The following ASAP2 variants were observed in gnomAD, a reference collection of about 807,000 sequenced individuals.
ASAP2 encodes the protein ArfGAP with SH3 domain, ankyrin repeat and PH domain 2, also known as arf-GAP with SH3 domain, ANK repeat and PH domain-containing protein 2.
Under a neutral mutation model 131.4 loss-of-function variants are expected in ASAP2, and 45 were observed. The ratio of observed to expected loss-of-function variants is 0.34; its 90% CI spans 0.27 to 0.44. The LOEUF (loss-of-function observed/expected upper bound fraction) is 0.44. Ranked by LOEUF, ASAP2 falls within the 20% of genes least tolerant of loss-of-function variation. The pLI is 1.00. For missense variants in ASAP2, 1,011 were observed against 1,297.0 expected (o/e 0.78, Z 3.39); for synonymous variants, 510 against 503.0 (o/e 1.01, Z -0.19).
At chr2:9,373,067 C>G (rs1452787102) in intron 16 of ASAP2, among the ~76,000 whole-genome samples, 1 of 152,154 alleles carries the variant, frequency 6.6e-6, no homozygotes, top group East Asian at 1.9e-4. Context: ...ATCTCACACA[C>G]AAGTCAGCCA....
Position 9,255,213 on chromosome 2 carries a change from T to C in ASAP2, c.127-24104T>C, listed in dbSNP as rs368830223. Among the ~76,000 whole-genome samples the C allele has an allele frequency of 1.7e-4, 26 of 152,346 alleles. No homozygotes were observed. The South Asian group carries it at 5.4e-3, about 32-fold the overall frequency. ...TGTATCTTCTTTGATGTTATGTGTC[T>C]ATACTTGTACCATGTAAGTTGGTTC... is the stretch of plus-strand genomic sequence containing the variant. On this transcript the variant is annotated intron_variant, in intron 1 of 27. Transcript: ENST00000281419.
chr2:9,250,263 A>G (rs11893104), intron 1 of ASAP2, among the ~76,000 whole-genome samples: 34,711 of 152,216 alleles, frequency 0.23, 4,342 homozygotes, highest in African/African-American at 0.29. Flanking sequence ...TGTTACACAC[A>G]TGGTAATTAT....
At position 9,292,517 on chromosome 2, in the gene ASAP2, C is replaced by CAAAACA. The variant is rs924801944; in HGVS notation, c.200-4767_200-4762dup. The stretch of plus-strand genomic sequence containing the variant: ...TGGGTGACAGAGTGAGATTCTATCT[C>CAAAACA]AAAACAAAAACAAAAACAAAAGAAA... On this transcript the variant is annotated intron_variant, in intron 2 of 27. Transcript: ENST00000281419. 3.2e-4 allele frequency among the ~76,000 whole-genome samples: 49 copies of CAAAACA among 152,112 alleles called. 2 individuals carry two copies. The East Asian group carries it at 3.5e-3, about 11-fold the overall frequency.
At chr2:9,403,086 G>C (rs1676886321) in intron 27 of ASAP2, among the ~76,000 whole-genome samples, 167 bp from the exon 28 acceptor site, 2 of 152,194 alleles carry the variant, frequency 1.3e-5, no homozygotes, top group Admixed American at 1.3e-4. Flanking sequence ...ATGTGGTGAG[G>C]AAAAACGGAC....
intron 24 of ASAP2, among the ~76,000 whole-genome samples, chr2:9,396,632 G>A (rs1338928274): frequency 6.6e-6 from 1 of 152,142 alleles, no homozygotes; most frequent in Non-Finnish European, 1.5e-5. Context: ...GGAAGTAAAT[G>A]TACTTAAATC....
At chr2:9,292,141 A>T (rs1049914959) in intron 2 of ASAP2, among the ~76,000 whole-genome samples, 1 of 152,086 alleles carries the variant, frequency 6.6e-6, no homozygotes, top group African/African-American at 2.4e-5. Context: ...GAATGAAAGG[A>T]CTCAGCAGTG....
chr2:9,377,404 G>C (rs1329718578), intron 18 of ASAP2, among the ~76,000 whole-genome samples: 2 of 152,234 alleles, frequency 1.3e-5, no homozygotes, highest in Non-Finnish European at 2.9e-5. Context: ...GCCATGGTCT[G>C]AGCCAGAGAT....
At chr2:9,296,407 T>C (rs1307985077) in intron 2 of ASAP2, among the ~76,000 whole-genome samples, 1 of 152,206 alleles carries the variant, frequency 6.6e-6, no homozygotes, top group Non-Finnish European at 1.5e-5. Flanking sequence ...AATCCATGCA[T>C]GCATTTGGCG....
At chr2:9,250,402 G>T (rs1267913108) in intron 1 of ASAP2, among the ~76,000 whole-genome samples, 3 of 152,200 alleles carry the variant, frequency 2.0e-5, no homozygotes, top group African/African-American at 7.2e-5. Flanking sequence ...CGGTGCCCCA[G>T]GTGCCATGCA....
chr2:9,385,134 A>G (rs769131592), intron 20 of ASAP2, 111 bp from the exon 21 acceptor site: 28 of 730,366 alleles, frequency 3.8e-5, no homozygotes, highest in Non-Finnish European at 6.3e-5. Context: ...AGAGATTTCC[A>G]TGCATTTGCC....
intron 7 of ASAP2, among the ~76,000 whole-genome samples, chr2:9,330,810 G>A (rs1012124903): frequency 6.6e-6 from 1 of 152,166 alleles, no homozygotes; most frequent in South Asian, 2.1e-4. Flanking sequence ...CAGTTGGGTA[G>A]CAACAGACCA....
intron 1 of ASAP2, among the ~76,000 whole-genome samples, chr2:9,212,631 C>T (rs1037548829): frequency 9.2e-5 from 14 of 152,170 alleles, no homozygotes; most frequent in African/African-American, 2.2e-4. Context: ...TTCCAGGCAC[C>T]GGTGCCTTCC....
At chr2:9,249,428 G>C (rs562824445) in intron 1 of ASAP2, among the ~76,000 whole-genome samples, 16 of 152,316 alleles carry the variant, frequency 1.1e-4, no homozygotes, top group African/African-American at 3.8e-4. Context: ...ATGAACTTGA[G>C]CCCCTCACTT....
rs1254908021 is a variant in ASAP2 at position 9,268,699 on chromosome 2, T to C, written c.127-10618T>C. Among the ~76,000 whole-genome samples the C allele has an allele frequency of 1.3e-5, 2 of 152,090 alleles. No homozygotes were observed. The highest frequency in any genetic ancestry group is 4.8e-5 in the African/African-American group (2 of 41,400). ...CACCCTGGGGGCACGGACCTGGGTGTGTTTTGTTTTTTGTTTTGTCTACTG... is the reference window on the plus strand; with the variant it reads ...CACCCTGGGGGCACGGACCTGGGTGCGTTTTGTTTTTTGTTTTGTCTACTG... On this transcript the variant is annotated intron_variant, in intron 1 of 27. Coordinates refer to ENST00000281419, the MANE Select transcript of ASAP2 (RefSeq NM_003887.3). This position sits in a 1 kb window ranked among gnomAD's most constrained non-coding sequence, Gnocchi z 4.1.
At chr2:9,209,218 C>T (rs1661359739) in intron 1 of ASAP2, among the ~76,000 whole-genome samples, 1 of 152,306 alleles carries the variant, frequency 6.6e-6, no homozygotes, top group South Asian at 2.1e-4. Flanking sequence ...AGGTTTATTT[C>T]ACTTTAAGCA....
At chr2:9,210,597 C>T (rs1435756042) in intron 1 of ASAP2, among the ~76,000 whole-genome samples, 1 of 151,874 alleles carries the variant, frequency 6.6e-6, no homozygotes, top group Non-Finnish European at 1.5e-5. Context: ...CTCTGTCGCC[C>T]AGGCTGGAGT....
chr2:9,293,277 A>G (rs1359254952), intron 2 of ASAP2, among the ~76,000 whole-genome samples: 2 of 152,072 alleles, frequency 1.3e-5, no homozygotes, highest in Non-Finnish European at 2.9e-5. Flanking sequence ...TAAAGGGGTG[A>G]TGGCTTAGAA....
At chr2:9,328,854 G>C (rs1319990563) in intron 7 of ASAP2, among the ~76,000 whole-genome samples, 1 of 152,216 alleles carries the variant, frequency 6.6e-6, no homozygotes, top group African/African-American at 2.4e-5. Context: ...GACTGAAAGA[G>C]ACAAATTTCT....
chr2:9,238,116 T>TA (rs1439505809), intron 1 of ASAP2, among the ~76,000 whole-genome samples: 1 of 152,216 alleles, frequency 6.6e-6, no homozygotes, highest in Admixed American at 6.5e-5. Context: ...GGTGAGCACT[T>TA]ACTAACACTG....
Sources: gnomAD v4.1 joint callset for allele counts (sites outside exome capture counted in the v4.1 genomes callset) on GRCh38, gnomAD v4.1.1 for gene constraint, Gnocchi (gnomAD v3.1) non-coding constraint, MANE v1.5 for transcripts, NCBI Gene and HGNC (gene_info 2026-07-23, HGNC 2026-07-21) for gene names.